Variants in DGKG observed in about 807,000 individuals in gnomAD.
DGKG encodes the protein DAG kinase gamma.
A neutral mutation model predicts 105.3 loss-of-function variants in DGKG; 78 were observed. The observed-to-expected ratio is 0.74, with a 90% CI of 0.62 to 0.89. The LOEUF (loss-of-function observed/expected upper bound fraction) is 0.89, where lower values mean the gene tolerates loss of function less well. DGKG is among the 40% of genes least tolerant of loss of function. DGKG has a pLI of 0.00. For synonymous variants in DGKG, 346 were observed against 367.1 expected (o/e 0.94, Z 0.66); for missense variants, 958 against 1,020.1 (o/e 0.94, Z 0.83).
chr3:186,313,393 T>C (rs529615880), intron 2 of DGKG: 12 of 665,318 alleles, frequency 1.8e-5, no homozygotes, highest in East Asian at 1.4e-4. Context: ...TAAGACACAA[T>C]TTTTTTGTCA....
chr3:186,211,754 A>C (rs1261293752), intron 21 of DGKG, 41 bp downstream of exon 21: 2 of 1,464,234 alleles, frequency 1.4e-6, no homozygotes, highest in East Asian at 2.3e-5. Context: ...CCAGGAGCAG[A>C]ACCAAGATCC....
At chr3:186,236,547 C>G (rs1268151363) in intron 20 of DGKG, among the ~76,000 whole-genome samples, 1 of 152,062 alleles carries the variant, frequency 6.6e-6, no homozygotes, top group Admixed American at 6.5e-5. Flanking sequence ...GTTTTGATGC[C>G]AACTTACTCT....
chr3:186,306,799 G>T, intron 3 of DGKG, 102 bp downstream of exon 3: 1 of 752,812 alleles, frequency 1.3e-6, no homozygotes, highest in Non-Finnish European at 2.3e-6. Context: ...ATGCTGAGGA[G>T]CAAGTTCTTC....
intron 1 of DGKG, among the ~76,000 whole-genome samples, chr3:186,321,046 G>C (rs907228442): frequency 6.6e-6 from 1 of 152,256 alleles, no homozygotes; most frequent in African/African-American, 2.4e-5. Flanking sequence ...TACAGGAACA[G>C]GAGCCTATGC....
intron 1 of DGKG, among the ~76,000 whole-genome samples, chr3:186,351,972 G>T (rs1726652476): frequency 6.6e-6 from 1 of 152,196 alleles, no homozygotes; most frequent in Non-Finnish European, 1.5e-5. Flanking sequence ...GGCATAGTTG[G>T]TAGCACTGGG....
Position 186,361,012 on chromosome 3 carries a change from G to T in DGKG, c.-249+934C>A, listed in dbSNP as rs1171762220. ...CGCTCCCGGGCACCACTGCGGCGCA[G>T]CCACAGATCGCTTCGCGCTGCAGCA... On this transcript the variant is annotated intron_variant, in intron 1 of 24. Coordinates refer to ENST00000265022, the MANE Select transcript of DGKG (RefSeq NM_001346.3). This position sits in a 1 kb window ranked among gnomAD's most constrained non-coding sequence, Gnocchi z 6.8. 1.3e-5 allele frequency among the ~76,000 whole-genome samples: 2 copies of T among 152,246 alleles called. No homozygotes were observed. Among genetic ancestry groups the T allele is most frequent in the African/African-American group, 4.8e-5 (2 of 41,474 alleles).
rs556042975 is a variant in DGKG, at chr3:186,241,565, A to G, written c.1826+939T>C. Among the ~76,000 whole-genome samples the G allele has an allele frequency of 6.4e-3, 981 of 152,166 alleles. 12 individuals carry two copies. Among genetic ancestry groups the G allele is most frequent in the African/African-American group, 0.022 (919 of 41,510 alleles). ...GAGATTCCATCTCAAAAATAAATAA[A>G]TAAATAAATAAATAAAAAGACAATT... On this transcript the variant is annotated intron_variant, in intron 20 of 24. Transcript: ENST00000265022.
rs914961411 is a variant in DGKG at position 186,253,130 on chromosome 3, T to C, written c.1563A>G (p.Thr521=). Residue 521 remains threonine (T), a synonymous_variant, in exon 18 of 25, where the codon ACA becomes ACG. Transcript: ENST00000265022. The stretch of plus-strand genomic sequence containing the variant: ...GGAGACAACGGGCAAGGTCATTTCC[T>C]GTTCCAAGAGGCAGGACAGCCACTG... ...HPPVAVLPLG[T]GNDLARCLRW... 2 of 1,614,226 alleles carry C rather than the reference T, an allele frequency of 1.2e-6. No homozygotes were observed. Among genetic ancestry groups the C allele is most frequent in the Admixed American group, 1.7e-5 (1 of 60,026 alleles).
intron 1 of DGKG, among the ~76,000 whole-genome samples, chr3:186,347,264 C>T (rs942080874): frequency 3.4e-4 from 52 of 151,714 alleles, no homozygotes; most frequent in African/African-American, 1.2e-3. Context: ...CTGGCTAACA[C>T]GGTGAAACCC....
rs375562815 is a variant in DGKG at position 186,352,922 on chromosome 3, A to G, written c.-249+9024T>C. On this transcript the variant is annotated intron_variant, in intron 1 of 24. Transcript: ENST00000265022. ...CCTCATCACTAGCTACAAGAAAAAA[A>G]ATGCACACTTTAATGTGACAAACGA... 2.5e-4 allele frequency among the ~76,000 whole-genome samples: 38 copies of G among 152,208 alleles called. No individual in the cohort carries two copies. The East Asian group carries it at 5.8e-3, about 23-fold the overall frequency.
At chr3:186,265,641 T>TGGC (rs1365702714) in intron 13 of DGKG, among the ~76,000 whole-genome samples, 8 of 150,438 alleles carry the variant, frequency 5.3e-5, no homozygotes, top group Non-Finnish European at 1.0e-4. Flanking sequence ...CTTGGCGACT[T>TGGC]GGCTTTTCTT....
intron 5 of DGKG, among the ~76,000 whole-genome samples, chr3:186,293,814 C>A (rs13074002): frequency 0.24 from 36,791 of 152,156 alleles, 5,402 homozygotes; most frequent in Non-Finnish European, 0.34. Flanking sequence ...GGGCTTGGCT[C>A]TTCCTTGCCG....
intron 20 of DGKG, among the ~76,000 whole-genome samples, chr3:186,241,756 T>C (rs890884119): frequency 6.6e-6 from 1 of 152,082 alleles, no homozygotes; most frequent in African/African-American, 2.4e-5. Context: ...GAAAATTGAC[T>C]AATGAGAAGA....
At chr3:186,302,969 C>T (rs1017555578) in intron 3 of DGKG, among the ~76,000 whole-genome samples, 4 of 152,198 alleles carry the variant, frequency 2.6e-5, no homozygotes, top group Middle Eastern at 3.4e-3. Context: ...CTGATGCCTC[C>T]GAGGCTCAGG....
intron 2 of DGKG, among the ~76,000 whole-genome samples, chr3:186,309,863 C>T (rs1177550566): frequency 6.6e-6 from 1 of 151,848 alleles, no homozygotes; most frequent in Non-Finnish European, 1.5e-5. Flanking sequence ...GATATATATA[C>T]ACACATAAAT....
chr3:186,323,295 C>A (rs892437714), intron 1 of DGKG, among the ~76,000 whole-genome samples: 2 of 152,200 alleles, frequency 1.3e-5, no homozygotes, highest in African/African-American at 4.8e-5. Context: ...AGCATTGCAA[C>A]CACTGTCACC....
intron 13 of DGKG, 189 bp downstream of exon 13, chr3:186,267,496 C>T: frequency 1.8e-6 from 1 of 559,372 alleles, no homozygotes; most frequent in Admixed American, 3.1e-5. Flanking sequence ...CAAGACGTGT[C>T]TGCCTGTGTA....
intron 3 of DGKG, among the ~76,000 whole-genome samples, chr3:186,304,337 A>T (rs1273126361): frequency 6.6e-6 from 1 of 152,208 alleles, no homozygotes; most frequent in Non-Finnish European, 1.5e-5. Flanking sequence ...GAAATGGTGC[A>T]TTCTCAGTCT....
chr3:186,343,741 C>A (rs1560164975), intron 1 of DGKG, among the ~76,000 whole-genome samples: 1 of 152,090 alleles, frequency 6.6e-6, no homozygotes, highest in Non-Finnish European at 1.5e-5. Context: ...ACTATAATGA[C>A]AATTAACATT....
Sources: allele counts gnomAD v4.1 joint callset (sites outside exome capture counted in the v4.1 genomes callset), GRCh38; gene constraint gnomAD v4.1.1; non-coding constraint Gnocchi (gnomAD v3.1); transcripts MANE v1.5; gene names NCBI Gene and HGNC (gene_info 2026-07-23, HGNC 2026-07-21).